NR3C2: variants seen among roughly 807,000 people sequenced by gnomAD.
The protein encoded by NR3C2 is mineralocorticoid receptor.
NR3C2 carries 15 observed loss-of-function variants against 86.4 expected under a neutral mutation model. The observed-to-expected ratio is 0.17, with a 90% CI of 0.12 to 0.27. The LOEUF is 0.27. NR3C2 is among the 10% of genes least tolerant of loss of function. The pLI is 1.00. For missense variants in NR3C2, 960 were observed against 1,195.6 expected (o/e 0.80, Z 2.91); for synonymous variants, 458 against 450.5 (o/e 1.02, Z -0.21).
At chr4:148,425,800 T>C (rs1749501182) in intron 2 of NR3C2, among the ~76,000 whole-genome samples, 1 of 152,216 alleles carries the variant, frequency 6.6e-6, no homozygotes, top group Non-Finnish European at 1.5e-5. Flanking sequence ...TCTTCTTCTC[T>C]ATCTCAAATA....
intron 2 of NR3C2, among the ~76,000 whole-genome samples, chr4:148,358,528 GAGTT>G (rs1231761365): frequency 6.6e-6 from 1 of 151,028 alleles, no homozygotes; most frequent in Non-Finnish European, 1.5e-5. Context: ...GCTAGATGAC[GAGTT>G]AGTGGATGCA....
At chr4:148,375,541 A>T (rs924829880) in intron 2 of NR3C2, among the ~76,000 whole-genome samples, 4 of 151,928 alleles carry the variant, frequency 2.6e-5, no homozygotes, top group African/African-American at 7.2e-5. Context: ...TATATTTGAC[A>T]AGATGGTATT....
intron 4 of NR3C2, among the ~76,000 whole-genome samples, chr4:148,180,026 C>T (rs977852104): frequency 3.3e-5 from 5 of 151,888 alleles, no homozygotes; most frequent in Admixed American, 3.3e-4. Flanking sequence ...TTTTATAAAA[C>T]TCAATACACT....
At chr4:148,381,900 T>A (rs1173051154) in intron 2 of NR3C2, among the ~76,000 whole-genome samples, 1 of 152,172 alleles carries the variant, frequency 6.6e-6, no homozygotes, top group Non-Finnish European at 1.5e-5. Flanking sequence ...TTCATGCAAG[T>A]CTCCTTGCCT....
At chr4:148,276,528 G>T (rs908656601) in intron 2 of NR3C2, among the ~76,000 whole-genome samples, 2 of 152,074 alleles carry the variant, frequency 1.3e-5, no homozygotes, top group East Asian at 3.9e-4. Context: ...CTTAGAAAGA[G>T]ATTTCCTCTT....
At chr4:148,327,083 G>A (rs2048548) in intron 2 of NR3C2, among the ~76,000 whole-genome samples, 51,436 of 151,948 alleles carry the variant, frequency 0.34, 9,967 homozygotes, top group African/African-American at 0.54. Context: ...GTAAGTACAC[G>A]TTACATAATG....
At chr4:148,289,940 G>A (rs1741719318) in intron 2 of NR3C2, among the ~76,000 whole-genome samples, 1 of 152,098 alleles carries the variant, frequency 6.6e-6, no homozygotes, top group Non-Finnish European at 1.5e-5. Context: ...CCAACCACAG[G>A]AGCATGCTTG....
chr4:148,221,057 T>C (rs925137302), intron 3 of NR3C2, among the ~76,000 whole-genome samples: 1 of 152,236 alleles, frequency 6.6e-6, no homozygotes, highest in Non-Finnish European at 1.5e-5. Context: ...AAATTTCTGA[T>C]GAGATTATTG....
At chr4:148,308,903 A>T (rs554617773) in intron 2 of NR3C2, among the ~76,000 whole-genome samples, 9 of 152,264 alleles carry the variant, frequency 5.9e-5, no homozygotes, top group Middle Eastern at 3.4e-3. Context: ...GGATCACTTG[A>T]GCCTGAAAGG....
intron 2 of NR3C2, among the ~76,000 whole-genome samples, chr4:148,361,235 C>T (rs754640612): frequency 2.7e-4 from 41 of 152,198 alleles, no homozygotes; most frequent in South Asian, 8.3e-4. Flanking sequence ...TCTAAATTGA[C>T]AGCCCACATC....
Position 148,442,408 on chromosome 4 carries a change from C to G in NR3C2, c.-251G>C, listed in dbSNP as rs1385267246. On this transcript the variant is annotated 5_prime_UTR_variant, in exon 1 of 9. Transcript: ENST00000358102. ...CAATGACACCCCGGGCGCGGAGGGG[C>G]TGAGAGGAGGGGGCAGGGGCAGGGG... The G allele has an allele frequency of 6.4e-6, 1 of 155,230 alleles. No homozygotes were observed. The highest frequency in any genetic ancestry group is 1.4e-5 in the Non-Finnish European group (1 of 70,752). 9.6% of individuals were successfully genotyped at this position (155,230 alleles called of 1,614,324 possible). A position where few individuals can be genotyped will look rare whatever the true frequency, so the allele number is the denominator to read the frequency against.
intron 2 of NR3C2, among the ~76,000 whole-genome samples, chr4:148,273,619 C>G (rs6535596): frequency 0.52 from 78,885 of 151,920 alleles, 21,821 homozygotes; most frequent in African/African-American, 0.72. Flanking sequence ...TGCTGGCTGT[C>G]TTCCCAGCAC....
chr4:148,443,925 G>GA (rs1168915692), upstream of NR3C2: 1 of 899,310 alleles, frequency 1.1e-6, no homozygotes, highest in Non-Finnish European at 1.3e-6. Context: ...GGAGATAGGG[G>GA]CGACAGCGGC....
intron 8 of NR3C2, among the ~76,000 whole-genome samples, chr4:148,096,879 C>T (rs912606923): frequency 2.0e-5 from 3 of 152,174 alleles, no homozygotes; most frequent in Non-Finnish European, 4.4e-5. Flanking sequence ...CTACGTGGCG[C>T]ACTACAGAAG....
intron 2 of NR3C2, among the ~76,000 whole-genome samples, chr4:148,380,345 TTG>T (rs1746907240): frequency 6.6e-6 from 1 of 152,236 alleles, no homozygotes; most frequent in Non-Finnish European, 1.5e-5. Context: ...AAGCCACATT[TTG>T]TGTATCCGTT....
At chr4:148,229,792 CTTAAAG>C (rs1412725352) in intron 3 of NR3C2, among the ~76,000 whole-genome samples, 1 of 152,156 alleles carries the variant, frequency 6.6e-6, no homozygotes, top group African/African-American at 2.4e-5. Context: ...TTATAAGCAG[CTTAAAG>C]TTAAAGGGAC....
At chr4:148,316,993 A>G (rs1480715800) in intron 2 of NR3C2, among the ~76,000 whole-genome samples, 1 of 151,940 alleles carries the variant, frequency 6.6e-6, no homozygotes, top group Admixed American at 6.6e-5. Flanking sequence ...GGGTTTCGCT[A>G]TGTTGCCCAG....
chr4:148,357,245 T>C (rs1745592384), intron 2 of NR3C2, among the ~76,000 whole-genome samples: 1 of 152,154 alleles, frequency 6.6e-6, no homozygotes, highest in African/African-American at 2.4e-5. Flanking sequence ...ACAAAAATGA[T>C]TGTTAAGTCT....
At chr4:148,380,873 CCAT>C (rs1746942631) in intron 2 of NR3C2, among the ~76,000 whole-genome samples, 1 of 152,102 alleles carries the variant, frequency 6.6e-6, no homozygotes, top group South Asian at 2.1e-4. Flanking sequence ...GACCAAAAAA[CCAT>C]AATATTTAAA....
Sources: allele counts gnomAD v4.1 joint callset (sites outside exome capture counted in the v4.1 genomes callset), GRCh38; gene constraint gnomAD v4.1.1; transcripts MANE v1.5; gene names NCBI Gene and HGNC (gene_info 2026-07-23, HGNC 2026-07-21).